UCHL3: variants seen among roughly 807,000 people sequenced by gnomAD.
The protein encoded by UCHL3 is ubiquitin carboxyl-terminal hydrolase isozyme L3.
A neutral mutation model predicts 35.8 loss-of-function variants in UCHL3; 22 were observed. The observed-to-expected ratio is 0.61, with a 90% confidence interval of 0.44 to 0.88. UCHL3 has a LOEUF of 0.88. Ranked by LOEUF, UCHL3 falls within the 40% of genes least tolerant of loss-of-function variation. The pLI, the probability that UCHL3 is intolerant of heterozygous loss-of-function variation, is 0.00. For synonymous variants in UCHL3, 90 were observed against 92.8 expected, an observed-to-expected ratio of 0.97 and a Z score of 0.17; for missense variants, 229 against 276.9, an observed-to-expected ratio of 0.83 and a Z score of 1.23.
Position 75,604,814 on chromosome 13 carries a change from A to C in UCHL3, c.596A>C (p.Glu199Ala), listed in dbSNP as rs774717261. ...FPINHGETSD[E>A]TLLEDAIEVC... is the part of the protein sequence containing the mutation. ...ATTAACCATGGTGAAACTAGTGATG[A>C]AACTTTATTAGAGGTAACAGTAACA... The change falls in exon 8 of 9, where the codon GAA becomes GCA. Residue 199 changes from glutamate to alanine, a missense_variant. Physicochemically the swap from Glu to Ala is moderately radical, Grantham distance 107. Transcript: ENST00000377595. 1.4e-5 allele frequency: 23 copies of C among 1,599,028 alleles called. No homozygotes were observed. The highest frequency in any genetic ancestry group is 1.7e-4 in the Middle Eastern group (1 of 6,046).
rs57667166 is a variant in UCHL3 at position 75,550,038 on chromosome 13, G to A, written c.54+51G>A. 4.8e-5 allele frequency: 78 copies of A among 1,613,632 alleles called. No homozygotes were observed. The East Asian group carries it at 1.7e-3, about 35-fold the overall frequency. On this transcript the variant is annotated intron_variant, in intron 2 of 8. Transcript: ENST00000377595. Reference sequence around the variant, plus strand: ...ACCTCGGAGTCTTTTCTGTCTGCTCGGTCCGCTTCCCTGCTGGACTCCACC... The same window carrying A: ...ACCTCGGAGTCTTTTCTGTCTGCTCAGTCCGCTTCCCTGCTGGACTCCACC...
At chr13:75,571,501 A>G (rs914513286) in intron 6 of UCHL3, among the ~76,000 whole-genome samples, 1 of 152,206 alleles carries the variant, frequency 6.6e-6, no homozygotes, top group Non-Finnish European at 1.5e-5. Context: ...TTCTTACAAT[A>G]GTTCCACCAT....
chr13:75,589,168 G>A (rs1401393351), intron 6 of UCHL3, among the ~76,000 whole-genome samples: 1 of 152,046 alleles, frequency 6.6e-6, no homozygotes, highest in African/African-American at 2.4e-5. Context: ...CTGAATCCCG[G>A]TTCTGTTACC....
In UCHL3 at chr13:75,594,417, C is replaced by G. The variant is rs74690679; in HGVS notation, c.475-498C>G. ...TTACTCAAAGACTGTTTACACTGCA[C>G]TGTTGAAACATCAGATTATCAAGTT... On this transcript the variant is annotated intron_variant, in intron 6 of 8. Coordinates refer to ENST00000377595, the MANE Select transcript of UCHL3 (RefSeq NM_006002.5). Among the ~76,000 whole-genome samples, 792 of 152,262 alleles carry G rather than the reference C, an allele frequency of 5.2e-3. 10 individuals are homozygous for G. The highest frequency in any genetic ancestry group is 0.018 in the African/African-American group (764 of 41,562).
intron 6 of UCHL3, among the ~76,000 whole-genome samples, chr13:75,586,140 G>A (rs531557809): frequency 2.0e-4 from 30 of 151,912 alleles, no homozygotes; most frequent in Non-Finnish European, 1.9e-4. Flanking sequence ...TTTAAAAAAC[G>A]TAAGAAGATA....
chr13:75,558,394 C>G (rs968714951), intron 2 of UCHL3, among the ~76,000 whole-genome samples: 1 of 152,136 alleles, frequency 6.6e-6, no homozygotes, highest in Non-Finnish European at 1.5e-5. Context: ...CTGATTTTGT[C>G]CAGACCTTTC....
intron 5 of UCHL3, 120 bp from the exon 6 acceptor site, chr13:75,569,340 T>G: frequency 1.5e-6 from 1 of 687,236 alleles, no homozygotes; most frequent in Non-Finnish European, 2.4e-6. Flanking sequence ...TTTTCTTAAA[T>G]TTCCTTCAAT....
chr13:75,560,759 A>G lies in UCHL3; in HGVS notation c.61A>G (p.Lys21Glu), dbSNP rs2031466197. 1.9e-6 allele frequency: 3 copies of G among 1,595,088 alleles called. No individual in the cohort carries two copies. The highest frequency in any genetic ancestry group is 2.2e-5 in the East Asian group (1 of 44,536). Residue 21 changes from lysine (K) to glutamate (E), a missense_variant, in exon 3 of 9, where the codon AAA becomes GAA. Physicochemically the swap from Lys to Glu is moderately conservative, Grantham distance 56. Transcript: ENST00000377595. ...TCTTTCTTTCTTTTACCAGTTTCTT[A>G]AACAATTAGGTCTACATCCTAACTG... ...ANPEVTNQFL[K>E]QLGLHPNWQF...
At chr13:75,581,348 T>G (rs1169488092) in intron 6 of UCHL3, among the ~76,000 whole-genome samples, 2 of 18,544 alleles carry the variant, frequency 1.1e-4, no homozygotes, top group Non-Finnish European at 1.6e-4. Flanking sequence ...ACTTGATTTC[T>G]TTTTTTTTTT....
At chr13:75,571,950 C>T (rs2031870765) in intron 6 of UCHL3, among the ~76,000 whole-genome samples, 1 of 150,058 alleles carries the variant, frequency 6.7e-6, no homozygotes, top group Admixed American at 6.6e-5. Context: ...CTCTTTAACC[C>T]AGCTGTATTC....
rs1029611311 is a variant in UCHL3 at position 75,551,550 on chromosome 13, G to T, written c.54+1563G>T. Among the ~76,000 whole-genome samples the T allele has an allele frequency of 2.0e-5, 3 of 152,034 alleles. No individual in the cohort carries two copies. The South Asian group carries it at 6.2e-4, about 32-fold the overall frequency. On this transcript the variant is annotated intron_variant, in intron 2 of 8. Transcript: ENST00000377595. ...GTATCCCTTATGAACATGGATGTAA[G>T]AAATCCTCTACAAAATATTAGCAAA...
At chr13:75,591,359 T>C (rs2032474104) in intron 6 of UCHL3, among the ~76,000 whole-genome samples, 1 of 152,174 alleles carries the variant, frequency 6.6e-6, no homozygotes, top group South Asian at 2.1e-4. Context: ...GTTCATCCAT[T>C]TGATATTTGT....
intron 6 of UCHL3, among the ~76,000 whole-genome samples, chr13:75,591,832 T>C (rs1244421000): frequency 2.6e-5 from 4 of 152,140 alleles, no homozygotes; most frequent in Non-Finnish European, 5.9e-5. Flanking sequence ...TCCAAAATGC[T>C]TGGGATGAGA....
intron 3 of UCHL3, among the ~76,000 whole-genome samples, chr13:75,562,026 A>G (rs1216475820): frequency 6.6e-6 from 1 of 152,080 alleles, no homozygotes; most frequent in Non-Finnish European, 1.5e-5. Context: ...GTAGTTATGA[A>G]AAATGAAGAA....
At chr13:75,565,813 T>C (rs890516655) in intron 3 of UCHL3, among the ~76,000 whole-genome samples, 36 of 152,216 alleles carry the variant, frequency 2.4e-4, no homozygotes, top group African/African-American at 8.7e-4. Flanking sequence ...CTTTTTGCTA[T>C]TTTTTACTCT....
chr13:75,592,438 A>ATATATATATATATG (rs2032517016), intron 6 of UCHL3, among the ~76,000 whole-genome samples: 1 of 35,510 alleles, frequency 2.8e-5, no homozygotes, highest in Non-Finnish European at 9.5e-5. Context: ...ATATATATAT[A>ATATATATATATATG]TATATATATA....
At chr13:75,585,682 A>C (rs1267539753) in intron 6 of UCHL3, among the ~76,000 whole-genome samples, 1 of 152,154 alleles carries the variant, frequency 6.6e-6, no homozygotes, top group East Asian at 1.9e-4. Flanking sequence ...CAAAGATAGC[A>C]ACTATGTACT....
At chr13:75,558,044 A>G (rs1179306896) in intron 2 of UCHL3, among the ~76,000 whole-genome samples, 1 of 151,344 alleles carries the variant, frequency 6.6e-6, no homozygotes, top group Non-Finnish European at 1.5e-5. Flanking sequence ...TAGTCTTTAT[A>G]GCTGCTTTTA....
At chr13:75,601,834 G>C (rs2032787743) in intron 7 of UCHL3, among the ~76,000 whole-genome samples, 1 of 152,108 alleles carries the variant, frequency 6.6e-6, no homozygotes, top group African/African-American at 2.4e-5. Flanking sequence ...CTGTGGCTGG[G>C]TGTGGTAGCT....
Sources: gnomAD v4.1 joint callset for allele counts (sites outside exome capture counted in the v4.1 genomes callset) on GRCh38, gnomAD v4.1.1 for gene constraint, MANE v1.5 for transcripts, NCBI Gene and HGNC (gene_info 2026-07-23, HGNC 2026-07-21) for gene names.